TMEM132D: variants seen among roughly 807,000 people sequenced by gnomAD.
The protein encoded by TMEM132D is mature OL transmembrane protein.
TMEM132D carries 21 observed loss-of-function variants against 62.3 expected under a neutral mutation model. The ratio of observed to expected loss-of-function variants is 0.34; its 90% confidence interval spans 0.24 to 0.49. The LOEUF is 0.49. Ranked by LOEUF, TMEM132D falls within the 20% of genes least tolerant of loss-of-function variation. The pLI is 0.99. For synonymous variants in TMEM132D, 621 were observed against 575.6 expected, an observed-to-expected ratio of 1.08 and a Z score of -1.13; for missense variants, 1,346 against 1,402.8, an observed-to-expected ratio of 0.96 and a Z score of 0.65.
At chr12:129,439,521 C>T (rs1159026549) in intron 3 of TMEM132D, among the ~76,000 whole-genome samples, 1 of 152,138 alleles carries the variant, frequency 6.6e-6, no homozygotes, top group Non-Finnish European at 1.5e-5. Flanking sequence ...ATGATCTCAG[C>T]TTGCTACAAC....
intron 2 of TMEM132D, among the ~76,000 whole-genome samples, chr12:129,627,446 T>C (rs780142817): frequency 3.1e-4 from 47 of 152,182 alleles, no homozygotes; most frequent in Admixed American, 5.9e-4. Flanking sequence ...TGTGTAAGTA[T>C]ACTCCGTGAT....
At chr12:129,081,345 T>C (rs1463100641) in intron 7 of TMEM132D, among the ~76,000 whole-genome samples, 1 of 152,168 alleles carries the variant, frequency 6.6e-6, no homozygotes, top group Non-Finnish European at 1.5e-5. Flanking sequence ...ATCATCCAGG[T>C]TGGAGTGTAG....
intron 1 of TMEM132D, among the ~76,000 whole-genome samples, chr12:129,720,069 G>C (rs1158893209): frequency 1.3e-5 from 2 of 152,120 alleles, no homozygotes; most frequent in Non-Finnish European, 1.5e-5. Flanking sequence ...AGCGTGGAAG[G>C]GATTCATGTC....
At chr12:129,817,575 C>T (rs1447230099) in intron 1 of TMEM132D, among the ~76,000 whole-genome samples, 1 of 141,326 alleles carries the variant, frequency 7.1e-6, no homozygotes, top group Admixed American at 7.7e-5. Context: ...GAAAGAATCA[C>T]ATCATAAAGA....
At chr12:129,108,042 G>A (rs1875558507) in intron 5 of TMEM132D, among the ~76,000 whole-genome samples, 1 of 151,972 alleles carries the variant, frequency 6.6e-6, no homozygotes, top group Admixed American at 6.6e-5. Context: ...GACATTGCAG[G>A]GCATTTAGTA....
At chr12:129,393,694 T>C (rs1485582014) in intron 3 of TMEM132D, among the ~76,000 whole-genome samples, 1 of 152,148 alleles carries the variant, frequency 6.6e-6, no homozygotes, top group African/African-American at 2.4e-5. Flanking sequence ...CTTCCGCTCA[T>C]GAAGATGAAT....
At chr12:129,282,574 T>C (rs7972294) in intron 4 of TMEM132D, among the ~76,000 whole-genome samples, 2,240 of 152,232 alleles carry the variant, frequency 0.015, 52 homozygotes, top group African/African-American at 0.05. Flanking sequence ...CTGACCTCCA[T>C]GTGTGGCAAT....
chr12:129,667,552 T>C (rs1880406381), intron 2 of TMEM132D, among the ~76,000 whole-genome samples: 1 of 152,136 alleles, frequency 6.6e-6, no homozygotes, highest in Non-Finnish European at 1.5e-5. Flanking sequence ...TGACCAGGGA[T>C]TGTATTTTGT....
At chr12:129,452,936 G>C (rs575472926) in intron 3 of TMEM132D, among the ~76,000 whole-genome samples, 2 of 152,178 alleles carry the variant, frequency 1.3e-5, no homozygotes, top group Middle Eastern at 3.4e-3. Context: ...AACCCCCGGG[G>C]CCATGGACCC....
Position 129,072,598 on chromosome 12 carries a change from G to A in TMEM132D, c.*1277C>T, listed in dbSNP as rs1483824425. 1 of 152,300 alleles carries A rather than the reference G, an allele frequency of 6.6e-6. No homozygotes were observed. Among genetic ancestry groups the A allele is most frequent in the Non-Finnish European group, 1.5e-5 (1 of 68,114 alleles). The allele number at this position is 152,300 out of a possible 1,614,324, so 9.4% of individuals were successfully genotyped here. A position where few individuals can be genotyped will look rare whatever the true frequency, so the allele number is the denominator to read the frequency against. On this transcript the variant is annotated 3_prime_UTR_variant, in exon 9 of 9. Coordinates refer to ENST00000422113, the MANE Select transcript of TMEM132D (RefSeq NM_133448.3). ...GCCCCTTATCCCTTCGCACCTCCAAGATGAAGAAGGTTTCTGTGCTGTCCG... is the reference window on the plus strand; with the variant it reads ...GCCCCTTATCCCTTCGCACCTCCAAAATGAAGAAGGTTTCTGTGCTGTCCG...
At chr12:129,441,236 G>A (rs530567504) in intron 3 of TMEM132D, among the ~76,000 whole-genome samples, 7 of 152,198 alleles carry the variant, frequency 4.6e-5, no homozygotes, top group African/African-American at 7.2e-5. Flanking sequence ...GTAGAGTCTC[G>A]TGACTCTTAA....
intron 3 of TMEM132D, among the ~76,000 whole-genome samples, chr12:129,522,143 GA>G (rs1476882751): frequency 6.6e-6 from 1 of 152,194 alleles, no homozygotes; most frequent in Admixed American, 6.5e-5. Flanking sequence ...AAAGGACTAA[GA>G]TGTCACCAAA....
intron 5 of TMEM132D, among the ~76,000 whole-genome samples, chr12:129,098,088 G>C (rs79581902): frequency 0.025 from 3,802 of 152,264 alleles, 156 homozygotes; most frequent in African/African-American, 0.086. Flanking sequence ...GTTAGTTTTT[G>C]TGAGGACACA....
At chr12:129,352,581 C>A (rs1055375597) in intron 3 of TMEM132D, among the ~76,000 whole-genome samples, 3 of 151,984 alleles carry the variant, frequency 2.0e-5, no homozygotes, top group Non-Finnish European at 2.9e-5. Flanking sequence ...ACAAACATCT[C>A]CATCAAAAAA....
chr12:129,161,630 G>A (rs1044542448), intron 5 of TMEM132D, among the ~76,000 whole-genome samples: 3 of 152,160 alleles, frequency 2.0e-5, no homozygotes, highest in Non-Finnish European at 4.4e-5. Context: ...GAGTCCTTCT[G>A]CTGGACAGAG....
At chr12:129,477,637 G>A (rs942475857) in intron 3 of TMEM132D, among the ~76,000 whole-genome samples, 20 of 152,142 alleles carry the variant, frequency 1.3e-4, no homozygotes, top group East Asian at 3.9e-4. Context: ...TGGCTAACAC[G>A]GTGAAACCCC....
At chr12:129,235,166 A>G in intron 4 of TMEM132D, among the ~76,000 whole-genome samples, 1 of 152,240 alleles carries the variant, frequency 6.6e-6, no homozygotes, top group East Asian at 1.9e-4. Flanking sequence ...TTATTCAGGT[A>G]TAGTTTACCT....
chr12:129,433,867 G>T (rs1872724086), intron 3 of TMEM132D, among the ~76,000 whole-genome samples: 1 of 152,222 alleles, frequency 6.6e-6, no homozygotes, highest in South Asian at 2.1e-4. Context: ...AGAGTTACTG[G>T]GCCTGAAGAG....
intron 3 of TMEM132D, among the ~76,000 whole-genome samples, chr12:129,467,951 A>T (rs2137044997): frequency 6.6e-6 from 1 of 152,276 alleles, no homozygotes; most frequent in African/African-American, 2.4e-5. Context: ...TAAATGTCCG[A>T]AAAGCATTTC....
Sources: allele counts gnomAD v4.1 joint callset (sites outside exome capture counted in the v4.1 genomes callset), GRCh38; gene constraint gnomAD v4.1.1; transcripts MANE v1.5; gene names NCBI Gene and HGNC (gene_info 2026-07-23, HGNC 2026-07-21).